The following TMPRSS11F variants were observed in gnomAD, a reference collection of about 807,000 sequenced individuals.
The protein encoded by TMPRSS11F is transmembrane protease serine 11F.
TMPRSS11F carries 47 observed loss-of-function variants against 60.2 expected under a neutral mutation model. That is an observed-to-expected ratio of 0.78 (90% CI 0.62 to 1.00). TMPRSS11F has a LOEUF of 1.00. Ranked by LOEUF, TMPRSS11F falls within the 50% of genes least tolerant of loss-of-function variation. The probability of loss-of-function intolerance (pLI) is 0.00; values close to 1 mark genes in which losing one functional copy is unlikely to be tolerated. For synonymous variants in TMPRSS11F, 166 were observed against 167.3 expected, an observed-to-expected ratio of 0.99 and a Z score of 0.06; for missense variants, 519 against 522.9, an observed-to-expected ratio of 0.99 and a Z score of 0.07.
At chr4:68,070,088 A>G in intron 5 of TMPRSS11F, 81 bp from the exon 6 acceptor site, 2 of 1,173,362 alleles carry the variant, frequency 1.7e-6, no homozygotes, top group Non-Finnish European at 2.5e-6. Flanking sequence ...GGTCATTAAT[A>G]GAAATGTGAA....
chr4:68,058,473 G>C (rs191813348), intron 9 of TMPRSS11F, among the ~76,000 whole-genome samples: 1 of 152,160 alleles, frequency 6.6e-6, no homozygotes, highest in African/African-American at 2.4e-5. Flanking sequence ...TGTCTATGAA[G>C]TTGAAAAAAG....
intron 2 of TMPRSS11F, among the ~76,000 whole-genome samples, chr4:68,092,721 CA>C (rs139902418): frequency 0.043 from 6,470 of 151,548 alleles, 380 homozygotes; most frequent in African/African-American, 0.13. Flanking sequence ...AGTTTTATTA[CA>C]AAAAAAAGAT....
intron 3 of TMPRSS11F, among the ~76,000 whole-genome samples, chr4:68,074,875 T>C (rs1464160758): frequency 1.3e-5 from 2 of 152,140 alleles, no homozygotes; most frequent in South Asian, 2.1e-4. Context: ...GGTGGATAGA[T>C]TGCTTTAGCC....
intron 9 of TMPRSS11F, among the ~76,000 whole-genome samples, chr4:68,056,723 T>G (rs190472169): frequency 6.6e-6 from 1 of 151,844 alleles, no homozygotes; most frequent in Admixed American, 6.6e-5. Context: ...AAACCTTGAA[T>G]AGTCAAAATA....
At chr4:68,110,832 T>A (rs1352323000) in intron 1 of TMPRSS11F, among the ~76,000 whole-genome samples, 1 of 152,190 alleles carries the variant, frequency 6.6e-6, no homozygotes, top group Non-Finnish European at 1.5e-5. Flanking sequence ...GTATGACCAC[T>A]TTATTTTTGT....
At chr4:68,081,956 G>A (rs1277806380) in intron 3 of TMPRSS11F, among the ~76,000 whole-genome samples, 4 of 152,122 alleles carry the variant, frequency 2.6e-5, no homozygotes, top group African/African-American at 4.8e-5. Flanking sequence ...ACTTGTTGGG[G>A]GAGTGGCAAG....
At chr4:68,077,018 T>A (rs1723598259) in intron 3 of TMPRSS11F, among the ~76,000 whole-genome samples, 1 of 152,184 alleles carries the variant, frequency 6.6e-6, no homozygotes, top group East Asian at 1.9e-4. Context: ...TACCCACTCA[T>A]ACGCAGGCTG....
chr4:68,087,357 T>C (rs1158225105), intron 3 of TMPRSS11F, among the ~76,000 whole-genome samples: 2 of 152,134 alleles, frequency 1.3e-5, no homozygotes, highest in African/African-American at 2.4e-5. Context: ...TGAAGGAACA[T>C]ATGTCAAAAT....
At position 68,099,033 on chromosome 4, in the gene TMPRSS11F, A is replaced by G. The variant is rs770747521; in HGVS notation, c.17T>C (p.Val6Ala). ...TGAGAATTCAGCTTCTGAAAATTCA[A>G]CAGGTCTGTGATAACAGAAAGAAAA... is the stretch of plus-strand genomic sequence containing the variant. MMYAP[V>A]EFSEAEFSRA... The change falls in exon 2 of 10, where the codon GTT becomes GCT. Residue 6 changes from valine (V) to alanine (A), a missense_variant. By Grantham distance (64) the Val-to-Ala change is moderately conservative. Coordinates refer to ENST00000356291, the MANE Select transcript of TMPRSS11F (RefSeq NM_207407.2). 4 of 1,612,276 alleles carry G rather than the reference A, an allele frequency of 2.5e-6. No individual in the cohort carries two copies.
rs147694624 is a variant in TMPRSS11F, at chr4:68,055,548, CAAT to C, written c.1159-1484_1159-1482del. ...GAAGAAATGGAAAACCTGAACAGATCAATAATAAGTAAGAATACTGAATCAGTA... is the reference window on the plus strand; with the variant it reads ...GAAGAAATGGAAAACCTGAACAGATCAATAAGTAAGAATACTGAATCAGTA... On this transcript the variant is annotated intron_variant, in intron 9 of 9. Coordinates refer to ENST00000356291, the MANE Select transcript of TMPRSS11F (RefSeq NM_207407.2). 1.3e-3 allele frequency among the ~76,000 whole-genome samples: 204 copies of C among 152,130 alleles called. 1 individual carries two copies. Among genetic ancestry groups the C allele is most frequent in the African/African-American group, 4.8e-3 (199 of 41,510 alleles).
chr4:68,092,352 T>C (rs559063829), intron 2 of TMPRSS11F, among the ~76,000 whole-genome samples: 15 of 152,310 alleles, frequency 9.8e-5, no homozygotes, highest in African/African-American at 2.9e-4. Flanking sequence ...ATAATTGTTT[T>C]ACTTGGCTGA....
At chr4:68,111,833 G>A (rs936066247) in intron 1 of TMPRSS11F, among the ~76,000 whole-genome samples, 2 of 152,002 alleles carry the variant, frequency 1.3e-5, no homozygotes, top group African/African-American at 4.8e-5. Context: ...GACAAGTATT[G>A]GAACCAAGAT....
intron 1 of TMPRSS11F, among the ~76,000 whole-genome samples, chr4:68,111,455 A>G (rs1724408692): frequency 6.6e-6 from 1 of 152,134 alleles, no homozygotes; most frequent in African/African-American, 2.4e-5. Context: ...TATACCCTTC[A>G]GTTTCTTCAT....
At chr4:68,115,311 C>T (rs1015531574) in intron 1 of TMPRSS11F, among the ~76,000 whole-genome samples, 4 of 134,826 alleles carry the variant, frequency 3.0e-5, no homozygotes, top group Non-Finnish European at 4.6e-5. Context: ...AAGCCGAGAT[C>T]GCACCACTGC....
At chr4:68,082,133 T>C (rs1263244109) in intron 3 of TMPRSS11F, among the ~76,000 whole-genome samples, 2 of 152,124 alleles carry the variant, frequency 1.3e-5, no homozygotes, top group African/African-American at 2.4e-5. Context: ...CAACCCTATG[T>C]GGTCTTGCTG....
intron 8 of TMPRSS11F, chr4:68,062,274 C>T: frequency 2.4e-6 from 1 of 424,956 alleles, no homozygotes; most frequent in Non-Finnish European, 4.5e-6. Flanking sequence ...AACTTCAAAT[C>T]AAAAACATCT....
intron 1 of TMPRSS11F, among the ~76,000 whole-genome samples, chr4:68,112,610 T>A (rs554834646): frequency 9.9e-5 from 15 of 152,278 alleles, no homozygotes; most frequent in African/African-American, 3.1e-4. Flanking sequence ...TATCAATAAA[T>A]AATCAAATGT....
intron 1 of TMPRSS11F, among the ~76,000 whole-genome samples, chr4:68,109,675 T>A (rs1171815130): frequency 1.3e-5 from 2 of 152,168 alleles, no homozygotes; most frequent in Non-Finnish European, 2.9e-5. Flanking sequence ...AGGGTTTAAG[T>A]ACAAAAGAGA....
chr4:68,078,604 A>G (rs1251349984), intron 3 of TMPRSS11F, among the ~76,000 whole-genome samples: 2 of 152,250 alleles, frequency 1.3e-5, no homozygotes, highest in Non-Finnish European at 2.9e-5. Flanking sequence ...TGAATGAATA[A>G]CTGAATTAAT....
Sources: allele counts gnomAD v4.1 joint callset (sites outside exome capture counted in the v4.1 genomes callset), GRCh38; gene constraint gnomAD v4.1.1; transcripts MANE v1.5; gene names NCBI Gene and HGNC (gene_info 2026-07-23, HGNC 2026-07-21).